MRE11: variants seen among roughly 807,000 people sequenced by gnomAD.
MRE11 encodes the protein MRE11 double strand break repair nuclease.
MRE11 carries 62 observed loss-of-function variants against 91.7 expected under a neutral mutation model. The ratio of observed to expected loss-of-function variants is 0.68; its 90% CI spans 0.55 to 0.84. MRE11 has a LOEUF of 0.84. Among genes scored for constraint, MRE11 ranks in the 40% least tolerant of loss-of-function variants. The pLI is 0.00. For synonymous variants in MRE11, 273 were observed against 271.4 expected, an observed-to-expected ratio of 1.01 and a Z score of -0.06; for missense variants, 796 against 852.9, an observed-to-expected ratio of 0.93 and a Z score of 0.83.
At position 94,420,026 on chromosome 11, in the gene MRE11, C is replaced by A; in HGVS notation, c.*99G>T. 1 of 967,266 alleles carries A rather than the reference C, an allele frequency of 1.0e-6. No homozygotes were observed. Among genetic ancestry groups the A allele is most frequent in the South Asian group, 1.4e-5 (1 of 69,694 alleles). The allele number at this position is 967,266 out of a possible 1,614,324, so 59.9% of individuals were successfully genotyped here. ...GAAATTTCTTACTTATGGAGTTATG[C>A]TCAGGAAACAATACTTAAAATCTTA... On this transcript the variant is annotated 3_prime_UTR_variant, in exon 20 of 20. Coordinates refer to ENST00000323929, the MANE Select transcript of MRE11 (RefSeq NM_005591.4).
chr11:94,488,590 G>A (rs984735704), intron 3 of MRE11, among the ~76,000 whole-genome samples: 1 of 152,114 alleles, frequency 6.6e-6, no homozygotes, highest in Admixed American at 6.5e-5. Flanking sequence ...AAGAAAATGT[G>A]GTACATATAA....
intron 18 of MRE11, among the ~76,000 whole-genome samples, chr11:94,433,682 C>T (rs1296921581): frequency 6.6e-6 from 1 of 152,154 alleles, no homozygotes; most frequent in Admixed American, 6.5e-5. Context: ...TTGTCTGCTG[C>T]CATGTGAGAC....
At chr11:94,502,149 T>A in the MRE11 span, among the ~76,000 whole-genome samples, 1 of 152,212 alleles carries the variant, frequency 6.6e-6, no homozygotes, top group South Asian at 2.1e-4. Flanking sequence ...AACAACTCTC[T>A]GAGATAATCA....
intron 10 of MRE11, chr11:94,466,420 G>A: frequency 2.0e-6 from 1 of 504,398 alleles, no homozygotes; most frequent in South Asian, 1.4e-5. Context: ...GCGACAGTGG[G>A]ATAAAGAAAC....
chr11:94,486,750 CA>C (rs1298506647), intron 3 of MRE11, among the ~76,000 whole-genome samples: 1 of 152,030 alleles, frequency 6.6e-6, no homozygotes, highest in African/African-American at 2.4e-5. Context: ...CGCCTGAGGA[CA>C]GAAAGTCTAG....
At chr11:94,491,060 G>T in intron 2 of MRE11, 95 bp from the exon 3 acceptor site, 1 of 803,820 alleles carries the variant, frequency 1.2e-6, no homozygotes, top group Non-Finnish European at 2.0e-6. Flanking sequence ...AATAATAACA[G>T]TTATAGAGTA....
intron 11 of MRE11, among the ~76,000 whole-genome samples, chr11:94,462,433 A>T (rs7102892): frequency 0.031 from 4,762 of 152,264 alleles, 269 homozygotes; most frequent in African/African-American, 0.11. Context: ...AACTACTTTA[A>T]AGTTCATATG....
chr11:94,419,968 G>A lies in MRE11; in HGVS notation c.*157C>T. 1 of 537,432 alleles carries A rather than the reference G, an allele frequency of 1.9e-6. No individual in the cohort carries two copies. The highest frequency in any genetic ancestry group is 3.3e-6 in the Non-Finnish European group (1 of 305,838). The allele number at this position is 537,432 out of a possible 1,614,324, so 33.3% of individuals were successfully genotyped here. Reference sequence around the variant, plus strand: ...TACAACAACCAGGTTAAAAAAACAAGGTGAATCAATGCTATTGTATGTCTG... The same window carrying A: ...TACAACAACCAGGTTAAAAAAACAAAGTGAATCAATGCTATTGTATGTCTG... On this transcript the variant is annotated 3_prime_UTR_variant, in exon 20 of 20. Coordinates refer to ENST00000323929, the MANE Select transcript of MRE11 (RefSeq NM_005591.4).
At chr11:94,445,654 C>A in intron 16 of MRE11, 156 bp downstream of exon 16, 1 of 653,770 alleles carries the variant, frequency 1.5e-6, no homozygotes, top group Non-Finnish European at 2.7e-6. Context: ...AACTCTAATG[C>A]ATAGCAAAGA....
the MRE11 span, among the ~76,000 whole-genome samples, chr11:94,502,998 C>G: frequency 6.6e-6 from 1 of 152,072 alleles, no homozygotes; most frequent in East Asian, 1.9e-4. Flanking sequence ...ATTATATTCC[C>G]CTTCCATGTA....
chr11:94,431,788 AG>A (rs1945468584), intron 18 of MRE11, among the ~76,000 whole-genome samples: 1 of 152,258 alleles, frequency 6.6e-6, no homozygotes, highest in East Asian at 1.9e-4. Flanking sequence ...CCTGGCACAT[AG>A]GAAGTACCAA....
chr11:94,464,087 T>C, intron 11 of MRE11, 26 bp downstream of exon 11: 1 of 1,606,888 alleles, frequency 6.2e-7, no homozygotes, highest in African/African-American at 1.3e-5. Context: ...GAACATTTTT[T>C]TACCTCATAA....
In MRE11 at chr11:94,467,847, G is replaced by C; in HGVS notation, c.1064C>G (p.Ser355Cys). 6.8e-6 allele frequency: 11 copies of C among 1,613,590 alleles called. No individual in the cohort carries two copies. Among genetic ancestry groups the C allele is most frequent in the Non-Finnish European group, 8.5e-6 (10 of 1,179,728 alleles). The stretch of plus-strand genomic sequence containing the variant: ...TACAAGAGGCTTCTCTGGCTGGTGA[G>C]AATTACCCAGACGTTCCCGTTCAGC... ...ENAERERLGNSHQPEKPLVRL... is the reference protein window; with the variant it reads ...ENAERERLGNCHQPEKPLVRL... Residue 355 changes from serine to cysteine, a missense_variant, in exon 10 of 20, where the codon TCT (serine) becomes TGT (cysteine). By Grantham distance (112) the Ser-to-Cys change is moderately radical. Transcript: ENST00000323929.
intron 13 of MRE11, 96 bp downstream of exon 13, chr11:94,459,312 G>A (rs1160689953): frequency 8.0e-7 from 1 of 1,242,800 alleles, no homozygotes; most frequent in Non-Finnish European, 1.2e-6. Context: ...AAACAAATCA[G>A]AGAGGTTAAA....
upstream of MRE11, among the ~76,000 whole-genome samples, chr11:94,495,116 C>A (rs1591734272): frequency 6.6e-6 from 1 of 152,288 alleles, no homozygotes; most frequent in South Asian, 2.1e-4. Context: ...AGAAAAGTTA[C>A]TGGACATGAG....
At chr11:94,422,146 T>A (rs1367524367) in intron 19 of MRE11, among the ~76,000 whole-genome samples, 1 of 152,182 alleles carries the variant, frequency 6.6e-6, no homozygotes, top group Non-Finnish European at 1.5e-5. Context: ...CAAAGGCCCT[T>A]CAAATGGCAG....
intron 14 of MRE11, among the ~76,000 whole-genome samples, chr11:94,454,177 G>A (rs763937028): frequency 1.3e-5 from 2 of 151,092 alleles, no homozygotes; most frequent in African/African-American, 2.4e-5. Context: ...GGGCTCAAGC[G>A]ATCCTCCCAG....
intron 14 of MRE11, among the ~76,000 whole-genome samples, chr11:94,455,802 G>A (rs889431236): frequency 6.6e-6 from 1 of 152,136 alleles, no homozygotes; most frequent in Non-Finnish European, 1.5e-5. Context: ...TTATCTATAA[G>A]ATGCTCTGCT....
At chr11:94,448,893 A>G (rs1166546042) in intron 14 of MRE11, among the ~76,000 whole-genome samples, 5 of 152,222 alleles carry the variant, frequency 3.3e-5, no homozygotes, top group Non-Finnish European at 5.9e-5. Context: ...TACATTTTCC[A>G]TAAAATTAAA....
Sources: allele counts gnomAD v4.1 joint callset (sites outside exome capture counted in the v4.1 genomes callset), GRCh38; gene constraint gnomAD v4.1.1; transcripts MANE v1.5; gene names NCBI Gene and HGNC (gene_info 2026-07-23, HGNC 2026-07-21).